Variants in ALOX5 observed in about 807,000 individuals in gnomAD.
The protein encoded by ALOX5 is arachidonate 5-lipoxygenase.
Under a neutral mutation model 87.9 loss-of-function variants are expected in ALOX5, and 64 were observed. The ratio of observed to expected loss-of-function variants is 0.73; its 90% CI spans 0.60 to 0.90. The LOEUF (loss-of-function observed/expected upper bound fraction) is 0.90, where lower values mean the gene tolerates loss of function less well. Among genes scored for constraint, ALOX5 ranks in the 40% least tolerant of loss-of-function variants. ALOX5 has a pLI of 0.00. For missense variants in ALOX5, 822 were observed against 907.5 expected (o/e 0.91, Z 1.21); for synonymous variants, 388 against 355.1 (o/e 1.09, Z -1.04).
intron 2 of ALOX5, among the ~76,000 whole-genome samples, chr10:45,387,711 G>C (rs567726025): frequency 6.6e-6 from 1 of 152,224 alleles, no homozygotes; most frequent in Non-Finnish European, 1.5e-5. Context: ...GGGCCCCAAG[G>C]CTTGCTGAGT....
chr10:45,402,442 C>T (rs1840735604), intron 3 of ALOX5, among the ~76,000 whole-genome samples: 1 of 152,136 alleles, frequency 6.6e-6, no homozygotes, highest in Non-Finnish European at 1.5e-5. Context: ...TGGCACTGGG[C>T]CACTGGACAT....
At chr10:45,395,093 A>G (rs1310006588) in intron 2 of ALOX5, among the ~76,000 whole-genome samples, 4 of 152,238 alleles carry the variant, frequency 2.6e-5, no homozygotes, top group Non-Finnish European at 5.9e-5. Flanking sequence ...TGACCCAGCC[A>G]TCCCATTACT....
chr10:45,428,835 A>T, intron 7 of ALOX5, 71 bp downstream of exon 7: 2 of 1,570,486 alleles, frequency 1.3e-6, no homozygotes, highest in Non-Finnish European at 8.7e-7. Context: ...GGGTGGCTCC[A>T]TTCACACTCC....
intron 9 of ALOX5, among the ~76,000 whole-genome samples, chr10:45,442,454 C>T (rs1008721934): frequency 6.6e-6 from 1 of 152,232 alleles, no homozygotes; most frequent in South Asian, 2.1e-4. Flanking sequence ...GCACCGACAG[C>T]CCAGCCCCCT....
chr10:45,432,290 T>C (rs1371609754), intron 7 of ALOX5, among the ~76,000 whole-genome samples: 1 of 150,406 alleles, frequency 6.6e-6, no homozygotes, highest in Non-Finnish European at 1.5e-5. Flanking sequence ...AGTCCAGGAG[T>C]TTGAGGCTGC....
Position 45,424,138 on chromosome 10 carries a change from A to G in ALOX5, c.652A>G (p.Thr218Ala), listed in dbSNP as rs568327472. 202 of 1,613,350 alleles carry G rather than the reference A, an allele frequency of 1.3e-4. No individual in the cohort carries two copies. The Middle Eastern group carries it at 1.3e-3, about 11-fold the overall frequency. Reference protein sequence around the residue: ...FEKIFVKISNTISERVMNHWQ... With the variant: ...FEKIFVKISNAISERVMNHWQ... ...GAAAATCTTTGTCAAGATCAGCAAC[A>G]CTATTTCTGGTGAGTGTGCCTCTGG... Residue 218 changes from threonine (T) to alanine (A), a missense_variant, in exon 5 of 14, where the codon ACT becomes GCT. Thr to Ala is a moderately conservative substitution (Grantham distance 58). Coordinates refer to ENST00000374391, the MANE Select transcript of ALOX5 (RefSeq NM_000698.5).
intron 7 of ALOX5, among the ~76,000 whole-genome samples, chr10:45,429,763 C>G (rs1319688679): frequency 6.6e-6 from 1 of 152,088 alleles, no homozygotes; most frequent in Non-Finnish European, 1.5e-5. Flanking sequence ...TGAAGTATAC[C>G]CACTGCTAAA....
chr10:45,376,623 GTAACGA>G (rs1839622929), intron 1 of ALOX5, among the ~76,000 whole-genome samples: 1 of 152,172 alleles, frequency 6.6e-6, no homozygotes, highest in Non-Finnish European at 1.5e-5. Flanking sequence ...GTTAACAGTA[GTAACGA>G]TAACAATAAC....
chr10:45,429,442 A>T (rs559728117), intron 7 of ALOX5, among the ~76,000 whole-genome samples: 1 of 152,334 alleles, frequency 6.6e-6, no homozygotes, highest in Non-Finnish European at 1.5e-5. Flanking sequence ...GGAGCTGTGG[A>T]CACAATAGCA....
chr10:45,404,522 G>A (rs930968334), intron 3 of ALOX5, among the ~76,000 whole-genome samples: 1 of 152,182 alleles, frequency 6.6e-6, no homozygotes, highest in South Asian at 2.1e-4. Flanking sequence ...TTTGTTAATC[G>A]ATATAATTTA....
intron 4 of ALOX5, among the ~76,000 whole-genome samples, chr10:45,415,730 G>A (rs1803761104): frequency 6.6e-6 from 1 of 152,202 alleles, no homozygotes; most frequent in African/African-American, 2.4e-5. Flanking sequence ...TCACGTTACT[G>A]AATCCACATG....
chr10:45,414,120 G>A (rs147303455), intron 4 of ALOX5, among the ~76,000 whole-genome samples: 1,735 of 152,246 alleles, frequency 0.011, 21 homozygotes, highest in African/African-American at 0.03. Flanking sequence ...AAAAGAGCCC[G>A]CATTGCCAAG....
chr10:45,431,968 T>C (rs2132827473), intron 7 of ALOX5, among the ~76,000 whole-genome samples: 1 of 152,200 alleles, frequency 6.6e-6, no homozygotes, highest in East Asian at 1.9e-4. Context: ...CCAAATTCTA[T>C]TATAAAAACT....
At chr10:45,376,928 A>G (rs1367685234) in intron 1 of ALOX5, among the ~76,000 whole-genome samples, 1 of 152,210 alleles carries the variant, frequency 6.6e-6, no homozygotes, top group Non-Finnish European at 1.5e-5. Flanking sequence ...CCCTGTTTCC[A>G]GAGGCTAACC....
chr10:45,398,524 A>G (rs1840591925), intron 3 of ALOX5, among the ~76,000 whole-genome samples: 1 of 152,268 alleles, frequency 6.6e-6, no homozygotes, highest in Admixed American at 6.5e-5. Flanking sequence ...CAAATTTACA[A>G]ACCTTTATGT....
chr10:45,414,076 G>C (rs1490974316), intron 4 of ALOX5, among the ~76,000 whole-genome samples: 1 of 152,110 alleles, frequency 6.6e-6, no homozygotes, highest in East Asian at 1.9e-4. Flanking sequence ...GCACAGAATT[G>C]GGAAAAACTA....
rs917534516 is a variant in ALOX5 at position 45,395,630 on chromosome 10, T to G, written c.350-225T>G. Among the ~76,000 whole-genome samples the G allele has an allele frequency of 5.3e-5, 8 of 151,662 alleles. No individual in the cohort carries two copies. The South Asian group carries it at 6.2e-4, about 12-fold the overall frequency. On this transcript the variant is annotated intron_variant, in intron 2 of 13. Transcript: ENST00000374391. ...TTAAAAAAAAAAAAAGAAAATTCACTAATTAGGTGTGTGACCTTGGGTAAA... is the reference window on the plus strand; with the variant it reads ...TTAAAAAAAAAAAAAGAAAATTCACGAATTAGGTGTGTGACCTTGGGTAAA...
chr10:45,417,959 C>T (rs1465469363), intron 4 of ALOX5, among the ~76,000 whole-genome samples: 1 of 152,204 alleles, frequency 6.6e-6, no homozygotes, highest in Non-Finnish European at 1.5e-5. Context: ...CCACCCTGCC[C>T]TTGGCCCCAG....
At chr10:45,377,104 G>T (rs1236488919) in intron 1 of ALOX5, among the ~76,000 whole-genome samples, 2 of 152,200 alleles carry the variant, frequency 1.3e-5, no homozygotes, top group Non-Finnish European at 2.9e-5. Flanking sequence ...GGGCAATAGC[G>T]TGGTGTTTAA....
Sources: allele counts gnomAD v4.1 joint callset (sites outside exome capture counted in the v4.1 genomes callset), GRCh38; gene constraint gnomAD v4.1.1; transcripts MANE v1.5; gene names NCBI Gene and HGNC (gene_info 2026-07-23, HGNC 2026-07-21).